The following BDH1 variants were observed in gnomAD, a reference collection of about 807,000 sequenced individuals.
BDH1 encodes the protein D-beta-hydroxybutyrate dehydrogenase, mitochondrial.
A neutral mutation model predicts 33.1 loss-of-function variants in BDH1; 30 were observed. The observed-to-expected ratio is 0.91, with a 90% CI of 0.68 to 1.23. The LOEUF (loss-of-function observed/expected upper bound fraction) is 1.23. BDH1 is among the 50% of genes most tolerant of loss of function. The pLI, the probability that BDH1 is intolerant of heterozygous loss-of-function variation, is 0.00. For synonymous variants in BDH1, 190 were observed against 183.6 expected, an observed-to-expected ratio of 1.03 and a Z score of -0.28; for missense variants, 443 against 464.4, an observed-to-expected ratio of 0.95 and a Z score of 0.42.
intron 3 of BDH1, among the ~76,000 whole-genome samples, chr3:197,537,720 C>A (rs894682215): frequency 2.4e-4 from 37 of 152,316 alleles, no homozygotes; most frequent in African/African-American, 7.7e-4. Context: ...TTTTTAAAAT[C>A]ATAAATGTGT....
chr3:197,570,897 T>C (rs1293469210), intron 1 of BDH1, among the ~76,000 whole-genome samples: 1 of 152,172 alleles, frequency 6.6e-6, no homozygotes, highest in Non-Finnish European at 1.5e-5. Context: ...GCCCCCAGAA[T>C]GGTAGGTCCA....
chr3:197,514,345 A>C lies in BDH1; in HGVS notation c.481T>G (p.Tyr161Asp). 1.9e-6 allele frequency: 3 copies of C among 1,613,882 alleles called. No homozygotes were observed. Among genetic ancestry groups the C allele is most frequent in the Non-Finnish European group, 1.7e-6 (2 of 1,179,896 alleles). ...AGGTTCACTTCTGCCACCTGCTTGT[A>C]GGTCTCCAGGCTGGTGAACTCCACC... Reference protein sequence around the residue: ...GEVEFTSLETYKQVAEVNLWG... With the variant: ...GEVEFTSLETDKQVAEVNLWG... The change falls in exon 7 of 8, where the codon TAC becomes GAC. Residue 161 changes from tyrosine to aspartate, a missense_variant. Physicochemically the swap from Tyr to Asp is radical, Grantham distance 160. Transcript: ENST00000392379. This position sits in a 1 kb window ranked among gnomAD's most constrained non-coding sequence, Gnocchi z 4.2.
At chr3:197,550,361 C>G (rs112839561) in intron 2 of BDH1, among the ~76,000 whole-genome samples, 14,982 of 152,172 alleles carry the variant, frequency 0.098, 889 homozygotes, top group African/African-American at 0.16. Context: ...GATTAGGCTT[C>G]GGTGGCGACC....
chr3:197,547,620 C>T (rs1716192298), intron 2 of BDH1, among the ~76,000 whole-genome samples: 2 of 152,382 alleles, frequency 1.3e-5, no homozygotes, highest in African/African-American at 4.8e-5. Context: ...ATTTGCCACA[C>T]CCCCATTCTC....
At chr3:197,517,357 C>CCCCA (rs1445525949) in intron 6 of BDH1, among the ~76,000 whole-genome samples, 3 of 110,602 alleles carry the variant, frequency 2.7e-5, no homozygotes, top group African/African-American at 1.1e-4. Flanking sequence ...AGGCCGACCC[C>CCCCA]ATCAGTCACT....
intron 5 of BDH1, among the ~76,000 whole-genome samples, chr3:197,527,201 G>A (rs895263351): frequency 3.9e-5 from 6 of 152,236 alleles, no homozygotes; most frequent in Non-Finnish European, 5.9e-5. Flanking sequence ...GCACTGTGAT[G>A]TTCACAGGAT....
At chr3:197,564,339 A>C (rs74356663) in intron 1 of BDH1, among the ~76,000 whole-genome samples, 1 of 151,992 alleles carries the variant, frequency 6.6e-6, no homozygotes, top group African/African-American at 2.4e-5. Flanking sequence ...TATATGATCA[A>C]GTTGTCATAT....
At chr3:197,545,752 A>C (rs889998628) in intron 3 of BDH1, among the ~76,000 whole-genome samples, 5 of 152,236 alleles carry the variant, frequency 3.3e-5, no homozygotes, top group African/African-American at 1.2e-4. Context: ...ACATTTAGGG[A>C]AGTTAGCTGA....
At chr3:197,513,395 A>AGCCCATCCAGGTGTGCCCCCGGGAGGGCC (rs1560301920) in intron 7 of BDH1, among the ~76,000 whole-genome samples, 18 of 124,992 alleles carry the variant, frequency 1.4e-4, no homozygotes, top group African/African-American at 4.3e-4. Context: ...CCGGGAGGGC[A>AGCCCATCCAGGTGTGCCCCCGGGAGGGCC]CTCAGCCCAT....
intron 6 of BDH1, among the ~76,000 whole-genome samples, chr3:197,519,983 C>T (rs1384286730): frequency 6.6e-6 from 1 of 152,142 alleles, no homozygotes; most frequent in South Asian, 2.1e-4. Flanking sequence ...CAAATGTGCC[C>T]CCCCGGTGGA....
intron 5 of BDH1, among the ~76,000 whole-genome samples, chr3:197,531,908 C>G (rs1311575686): frequency 6.6e-6 from 1 of 152,112 alleles, no homozygotes; most frequent in African/African-American, 2.4e-5. Context: ...GCTATTCCTC[C>G]CGTCCAGCAG....
chr3:197,533,303 C>G (rs141249228), intron 4 of BDH1, among the ~76,000 whole-genome samples, 186 bp downstream of exon 4: 1 of 152,318 alleles, frequency 6.6e-6, no homozygotes, highest in African/African-American at 2.4e-5. Context: ...GCTTCCTCCC[C>G]ACATGGATGG....
intron 1 of BDH1, among the ~76,000 whole-genome samples, chr3:197,563,535 C>G (rs1717334077): frequency 6.6e-6 from 1 of 152,132 alleles, no homozygotes; most frequent in Non-Finnish European, 1.5e-5. Flanking sequence ...ATGACTATCA[C>G]AGTTTTCATA....
At chr3:197,539,559 A>G (rs1157573992) in intron 3 of BDH1, among the ~76,000 whole-genome samples, 1 of 152,036 alleles carries the variant, frequency 6.6e-6, no homozygotes. Flanking sequence ...CAAATTATAA[A>G]CCATAATTTA....
chr3:197,537,910 T>C (rs996842932), intron 3 of BDH1, among the ~76,000 whole-genome samples: 3 of 152,296 alleles, frequency 2.0e-5, no homozygotes, highest in Admixed American at 6.5e-5. Context: ...AAATTTTTGT[T>C]GGGGCTTTTT....
intron 3 of BDH1, among the ~76,000 whole-genome samples, chr3:197,537,498 T>C (rs570815431): frequency 2.4e-4 from 36 of 152,342 alleles, no homozygotes; most frequent in African/African-American, 8.4e-4. Flanking sequence ...TTCCAATCTA[T>C]ATGACTTTTA....
chr3:197,524,377 G>A (rs896839141), intron 5 of BDH1, among the ~76,000 whole-genome samples: 1 of 152,222 alleles, frequency 6.6e-6, no homozygotes, highest in African/African-American at 2.4e-5. Flanking sequence ...CACTTGTCAG[G>A]GGTGGAAAGT....
At position 197,522,698 on chromosome 3, in the gene BDH1, G is replaced by T. The variant is rs775415137; in HGVS notation, c.351C>A (p.Ser117Arg). The change falls in exon 6 of 8, where the codon AGC (serine) becomes AGA (arginine). Residue 117 changes from serine to arginine, a missense_variant. Transcript: ENST00000392379. The surrounding 1 kb of genome is among the most constrained non-coding windows in gnomAD (Gnocchi z 4.8). ...TCTCCACCACTTTCTCCACCTCTTC[G>T]CTGCTGCAGACATTGAGCTGGACGG... ...LRTVQLNVCSSEEVEKVVEIV... is the reference protein window; with the variant it reads ...LRTVQLNVCSREEVEKVVEIV... 8 of 1,614,016 alleles carry T rather than the reference G, an allele frequency of 5.0e-6. No homozygotes were observed. The highest frequency in any genetic ancestry group is 6.8e-6 in the Non-Finnish European group (8 of 1,180,026).
chr3:197,544,608 CA>C (rs1715925187), intron 3 of BDH1, among the ~76,000 whole-genome samples: 1 of 152,178 alleles, frequency 6.6e-6, no homozygotes, highest in Non-Finnish European at 1.5e-5. Flanking sequence ...GCTCTGATGG[CA>C]GGGGCCTCCG....
Sources: allele counts gnomAD v4.1 joint callset (sites outside exome capture counted in the v4.1 genomes callset), GRCh38; gene constraint gnomAD v4.1.1; non-coding constraint Gnocchi (gnomAD v3.1); transcripts MANE v1.5; gene names NCBI Gene and HGNC (gene_info 2026-07-23, HGNC 2026-07-21).